The following EYS variants were observed in gnomAD, a reference collection of about 807,000 sequenced individuals.
EYS encodes protein eyes shut homolog.
EYS carries 250 observed loss-of-function variants against 282.1 expected under a neutral mutation model. The observed-to-expected ratio is 0.89, with a 90% confidence interval of 0.80 to 0.98. The LOEUF (loss-of-function observed/expected upper bound fraction) is 0.98, where lower values mean the gene tolerates loss of function less well. EYS is among the 50% of genes least tolerant of loss of function. The pLI is 0.00. For synonymous variants in EYS, 1,355 were observed against 1,282.9 expected, an observed-to-expected ratio of 1.06 and a Z score of -1.20; for missense variants, 4,016 against 3,709.0, an observed-to-expected ratio of 1.08 and a Z score of -2.15.
At chr6:63,906,462 A>G (rs946244019) in intron 35 of EYS, among the ~76,000 whole-genome samples, 2 of 152,168 alleles carry the variant, frequency 1.3e-5, no homozygotes. Context: ...GTCCATTGTC[A>G]GTGAGATGCT....
chr6:65,600,694 A>G (rs1390440640), intron 2 of EYS, among the ~76,000 whole-genome samples: 1 of 152,052 alleles, frequency 6.6e-6, no homozygotes, highest in Non-Finnish European at 1.5e-5. Context: ...TGTACCTCTG[A>G]TTTCAAAATT....
chr6:63,927,934 T>G (rs1043700762), intron 35 of EYS, among the ~76,000 whole-genome samples: 1 of 152,244 alleles, frequency 6.6e-6, no homozygotes, highest in Non-Finnish European at 1.5e-5. Context: ...TTTGTTCTTT[T>G]GATGCTCAGA....
rs1312195779 is a variant in EYS at position 64,591,026 on chromosome 6, G to C, written c.4841C>G (p.Ala1614Gly). Reference protein sequence around the residue: ...TITSGHSFSSATEITPSVAFT... With the variant: ...TITSGHSFSSGTEITPSVAFT... The stretch of plus-strand genomic sequence containing the variant: ...TGCCACTGATGGTGTTATTTCAGTA[G>C]CAGAAGAAAATGAATGCCCAGAAGT... Residue 1614 changes from alanine (A) to glycine (G), a missense_variant, in exon 26 of 43, where the codon GCT (alanine) becomes GGT (glycine). Physicochemically the swap from Ala to Gly is moderately conservative, Grantham distance 60 (BLOSUM62 0). Transcript: ENST00000503581. The C allele has an allele frequency of 4.5e-6, 7 of 1,551,176 alleles. No homozygotes were observed. Among genetic ancestry groups the C allele is most frequent in the Non-Finnish European group, 6.1e-6 (7 of 1,146,782 alleles).
At chr6:64,579,156 C>A (rs1425177204) in intron 26 of EYS, among the ~76,000 whole-genome samples, 1 of 152,138 alleles carries the variant, frequency 6.6e-6, no homozygotes, top group African/African-American at 2.4e-5. Flanking sequence ...TTGATCCCTG[C>A]TCCCTTGCTT....
intron 26 of EYS, among the ~76,000 whole-genome samples, chr6:64,557,060 C>A (rs1473076934): frequency 1.3e-5 from 2 of 151,744 alleles, no homozygotes; most frequent in Admixed American, 6.6e-5. Flanking sequence ...AATAACAATA[C>A]CTTTTTAAGT....
At chr6:65,580,814 A>G (rs1277676414) in intron 2 of EYS, among the ~76,000 whole-genome samples, 1 of 152,076 alleles carries the variant, frequency 6.6e-6, no homozygotes, top group East Asian at 1.9e-4. Flanking sequence ...TAAATACTTC[A>G]TCCTAAAACT....
At chr6:65,599,961 G>C (rs772258958) in intron 2 of EYS, among the ~76,000 whole-genome samples, 6 of 152,052 alleles carry the variant, frequency 3.9e-5, no homozygotes, top group Non-Finnish European at 8.8e-5. Flanking sequence ...ACATCTGCTA[G>C]TGATCACTGC....
At chr6:65,544,769 A>G (rs1768319417) in intron 2 of EYS, among the ~76,000 whole-genome samples, 1 of 152,132 alleles carries the variant, frequency 6.6e-6, no homozygotes, top group Admixed American at 6.6e-5. Context: ...TAAATGTGAA[A>G]TTTCATGCCA....
chr6:64,806,414 G>A (rs1764426390), intron 22 of EYS, among the ~76,000 whole-genome samples: 1 of 151,798 alleles, frequency 6.6e-6, no homozygotes, highest in Admixed American at 6.6e-5. Context: ...TATGATACCA[G>A]TATGGATTAC....
intron 2 of EYS, among the ~76,000 whole-genome samples, chr6:65,500,339 T>C (rs773319140): frequency 1.3e-5 from 2 of 152,166 alleles, no homozygotes; most frequent in East Asian, 1.9e-4. Context: ...TCTCAAATTA[T>C]CCTTGCATTT....
intron 11 of EYS, among the ~76,000 whole-genome samples, chr6:65,320,387 G>T (rs946371259): frequency 2.0e-5 from 3 of 152,212 alleles, no homozygotes; most frequent in African/African-American, 7.2e-5. Context: ...TAGCAGAGCT[G>T]CAGCCTGATA....
At chr6:65,047,173 T>C (rs1335741971) in intron 13 of EYS, among the ~76,000 whole-genome samples, 1 of 151,792 alleles carries the variant, frequency 6.6e-6, no homozygotes, top group Non-Finnish European at 1.5e-5. Context: ...TATACTTTCC[T>C]TGAATTATAA....
intron 28 of EYS, among the ~76,000 whole-genome samples, chr6:64,408,416 T>C (rs1462775858): frequency 6.6e-6 from 1 of 152,172 alleles, no homozygotes; most frequent in African/African-American, 2.4e-5. Context: ...AGGACAATTC[T>C]GTGACCAAAT....
At chr6:64,202,217 A>G (rs547799121) in intron 31 of EYS, among the ~76,000 whole-genome samples, 14 of 152,288 alleles carry the variant, frequency 9.2e-5, no homozygotes, top group African/African-American at 3.1e-4. Context: ...TTTCTTTCAT[A>G]CCATGAACTG....
intron 14 of EYS, among the ~76,000 whole-genome samples, chr6:64,959,031 T>C (rs72875907): frequency 0.067 from 10,231 of 152,226 alleles, 434 homozygotes; most frequent in East Asian, 0.13. Context: ...TATGATTTTG[T>C]TGCTGGCTGA....
intron 22 of EYS, among the ~76,000 whole-genome samples, chr6:64,653,337 T>G (rs567857391): frequency 6.6e-6 from 1 of 152,258 alleles, no homozygotes; most frequent in South Asian, 2.1e-4. Flanking sequence ...CCACCCAGTT[T>G]GTGATAGTTT....
chr6:64,054,381 A>G (rs1300374334), intron 33 of EYS, among the ~76,000 whole-genome samples: 1 of 152,158 alleles, frequency 6.6e-6, no homozygotes, highest in African/African-American at 2.4e-5. Flanking sequence ...ACTAGCTACA[A>G]TGCATGTGGT....
chr6:64,236,018 C>CA (rs1160990068), intron 30 of EYS, among the ~76,000 whole-genome samples: 1 of 152,012 alleles, frequency 6.6e-6, no homozygotes, highest in African/African-American at 2.4e-5. Flanking sequence ...GAGACACAAC[C>CA]AAAAAAGAGA....
At chr6:64,913,179 T>C (rs1768054942) in intron 15 of EYS, among the ~76,000 whole-genome samples, 2 of 152,168 alleles carry the variant, frequency 1.3e-5, no homozygotes, top group South Asian at 4.1e-4. Flanking sequence ...AACAAGGTGT[T>C]ACTTTATGTT....
Sources: gnomAD v4.1 joint callset for allele counts (sites outside exome capture counted in the v4.1 genomes callset) on GRCh38, gnomAD v4.1.1 for gene constraint, MANE v1.5 for transcripts, NCBI Gene and HGNC (gene_info 2026-07-23, HGNC 2026-07-21) for gene names.